CCNG1: variants seen among roughly 807,000 people sequenced by gnomAD.
CCNG1 encodes cyclin-G1.
Under a neutral mutation model 30.0 loss-of-function variants are expected in CCNG1, and 13 were observed. The ratio of observed to expected loss-of-function variants is 0.43; its 90% CI spans 0.28 to 0.69. The LOEUF (loss-of-function observed/expected upper bound fraction) is 0.69. Ranked by LOEUF, CCNG1 falls within the 30% of genes least tolerant of loss-of-function variation. The pLI is 0.16. For missense variants in CCNG1, 285 were observed against 331.4 expected (o/e 0.86, Z 1.09); for synonymous variants, 110 against 121.5 (o/e 0.91, Z 0.62).
Position 163,441,808 on chromosome 5 carries a change from CT to C in CCNG1, c.519-76del, listed in dbSNP as rs1581168553. The C allele has an allele frequency of 3.5e-6, 3 of 848,042 alleles. No homozygotes were observed. In the East Asian group the frequency reaches 7.5e-5, roughly 21 times the overall value. 52.5% of individuals were successfully genotyped at this position (848,042 alleles called of 1,614,324 possible). On this transcript the variant is annotated intron_variant, in intron 3 of 6. Transcript: ENST00000340828. The stretch of plus-strand genomic sequence containing the variant: ...GCATAAGCTTTACTTTAAAAATTGA[CT>C]TCAATGTTTTTCTAAAAACATCTTT...
intron 3 of CCNG1, 179 bp downstream of exon 3, chr5:163,441,510 T>G: frequency 1.8e-6 from 1 of 561,846 alleles, no homozygotes; most frequent in South Asian, 3.0e-5. Flanking sequence ...AATAGCTTCG[T>G]TAAAGCTAAT....
chr5:163,445,196 CTTTGT>C (rs777823227), downstream of CCNG1, among the ~76,000 whole-genome samples: 25 of 150,864 alleles, frequency 1.7e-4, no homozygotes, highest in Non-Finnish European at 3.7e-4. Context: ...TGACACTTTA[CTTTGT>C]TTTTTCTGAA....
chr5:163,441,771 T>A (rs1332374474), intron 3 of CCNG1, 115 bp from the exon 4 acceptor site: 2 of 642,774 alleles, frequency 3.1e-6, no homozygotes, highest in East Asian at 5.5e-5. Flanking sequence ...GTTCATTTGC[T>A]ATGTTAAGTG....
chr5:163,457,456 G>T, the CCNG1 span: 1 of 741,790 alleles, frequency 1.3e-6, no homozygotes, highest in South Asian at 1.7e-5. Flanking sequence ...CATTTCTATT[G>T]CTTTATCTTT....
the CCNG1 span, chr5:163,454,121 G>A: frequency 1.5e-6 from 1 of 665,610 alleles, no homozygotes; most frequent in African/African-American, 1.9e-5. Flanking sequence ...ACTGGCAATT[G>A]ATAAAAAAGG....
the CCNG1 span, among the ~76,000 whole-genome samples, chr5:163,454,330 TTTTTA>T: frequency 3.9e-5 from 6 of 152,126 alleles, no homozygotes; most frequent in African/African-American, 1.4e-4. Flanking sequence ...ATAGCTAGCA[TTTTTA>T]TTTTATTTAT....
At chr5:163,446,953 A>AC (rs1406550249), downstream of CCNG1, 1 of 152,210 alleles carries the variant, frequency 6.6e-6, no homozygotes, top group African/African-American at 2.4e-5. Context: ...AGGCAGTGAG[A>AC]CAAGATCACA....
At chr5:163,440,455 GAA>G (rs1757751044) in intron 2 of CCNG1, among the ~76,000 whole-genome samples, 1 of 149,402 alleles carries the variant, frequency 6.7e-6, no homozygotes, top group South Asian at 2.1e-4. Context: ...GAGTTTACAA[GAA>G]GAGAGAGAGC....
At position 163,444,823 on chromosome 5, in the gene CCNG1, C is replaced by A. The variant is rs1398201802; in HGVS notation, c.*1153C>A. The stretch of plus-strand genomic sequence containing the variant: ...CAGTACACAATGAAAAACCAAAGAA[C>A]CACAGTATATCTTATTCTTAACTTT... On this transcript the variant is annotated 3_prime_UTR_variant, in exon 7 of 7. Coordinates refer to ENST00000340828, the MANE Select transcript of CCNG1 (RefSeq NM_004060.4). 1 of 152,574 alleles carries A rather than the reference C, an allele frequency of 6.6e-6. No homozygotes were observed. The highest frequency in any genetic ancestry group is 1.5e-5 in the Non-Finnish European group (1 of 68,018). The allele number at this position is 152,574 out of a possible 1,614,324, so 9.5% of individuals were successfully genotyped here.
chr5:163,441,622 A>G (rs1035243680), intron 3 of CCNG1: 1 of 479,920 alleles, frequency 2.1e-6, no homozygotes, highest in Non-Finnish European at 3.6e-6. Context: ...TGAAATATTT[A>G]TTAAAACTAA....
intron 3 of CCNG1, 63 bp downstream of exon 3, chr5:163,441,394 G>A (rs1215464998): frequency 2.1e-6 from 3 of 1,432,088 alleles, no homozygotes; most frequent in Non-Finnish European, 2.8e-6. Flanking sequence ...TATGGATATT[G>A]CATAAAATCA....
Position 163,441,330 on chromosome 5 carries a change from A to C in CCNG1, c.517A>C (p.Arg173=). The part of the protein sequence containing the change: ...SLLQENLPLE[R]RNSINFERLE... ...CCTTCAAGAGAACTTGCCACTTGAA[A>C]GGTAAGTGACCTTTGTTTTGAACAA... The change falls in exon 3 of 7, where the codon AGG becomes CGG. Residue 173 remains arginine (R), a splice_region_variant and synonymous_variant. Transcript: ENST00000340828. The C allele has an allele frequency of 6.2e-7, 1 of 1,613,142 alleles. No homozygotes were observed. The highest frequency in any genetic ancestry group is 8.5e-7 in the Non-Finnish European group (1 of 1,179,476).
At chr5:163,441,047 G>A in intron 2 of CCNG1, 31 bp from the exon 3 acceptor site, 1 of 1,592,842 alleles carries the variant, frequency 6.3e-7, no homozygotes, top group Non-Finnish European at 8.5e-7. Flanking sequence ...GTAGAGTCAT[G>A]GGCTTACTGG....
chr5:163,438,232 C>T (rs1411358350), intron 1 of CCNG1, among the ~76,000 whole-genome samples: 1 of 152,052 alleles, frequency 6.6e-6, no homozygotes, highest in African/African-American at 2.4e-5. Context: ...CAACCCACCG[C>T]ACCCCCCCGC....
downstream of CCNG1, chr5:163,449,869 A>T (rs1758134483): frequency 6.6e-6 from 1 of 152,234 alleles, no homozygotes; most frequent in South Asian, 2.1e-4. Flanking sequence ...CAAAAAAATA[A>T]ACCTACCTAA....
chr5:163,442,839 G>A (rs1209339428), intron 6 of CCNG1, among the ~76,000 whole-genome samples: 1 of 152,106 alleles, frequency 6.6e-6, no homozygotes, highest in Non-Finnish European at 1.5e-5. Flanking sequence ...CCTCCTTGTA[G>A]CACTAAAATC....
downstream of CCNG1, chr5:163,449,264 A>C (rs1364066627): frequency 1.3e-5 from 2 of 152,136 alleles, no homozygotes; most frequent in African/African-American, 4.8e-5. Flanking sequence ...AGTTAACAAC[A>C]AAATAACTCC....
intron 2 of CCNG1, chr5:163,439,739 G>A (rs1169665526): frequency 2.1e-5 from 9 of 426,970 alleles, no homozygotes; most frequent in Non-Finnish European, 3.7e-5. Context: ...CTAATATCAA[G>A]TAACAAATTG....
chr5:163,447,322 A>G (rs1008845676), downstream of CCNG1: 2 of 152,144 alleles, frequency 1.3e-5, no homozygotes, highest in Non-Finnish European at 2.9e-5. Flanking sequence ...ATAGTGATAT[A>G]CATCTGTAGT....
Sources: allele counts gnomAD v4.1 joint callset (sites outside exome capture counted in the v4.1 genomes callset), GRCh38; gene constraint gnomAD v4.1.1; transcripts MANE v1.5; gene names NCBI Gene and HGNC (gene_info 2026-07-23, HGNC 2026-07-21).